The following MGAT5 variants were observed in gnomAD, a reference collection of about 807,000 sequenced individuals.
MGAT5 encodes the protein alpha-1,6-mannosylglycoprotein 6-beta-N-acetylglucosaminyltransferase.
MGAT5 carries 30 observed loss-of-function variants against 94.3 expected under a neutral mutation model. The observed-to-expected ratio is 0.32, with a 90% CI of 0.24 to 0.43. The LOEUF is 0.43. MGAT5 is among the 20% of genes least tolerant of loss of function. MGAT5 has a pLI of 1.00. For missense variants in MGAT5, 691 were observed against 905.5 expected, an observed-to-expected ratio of 0.76 and a Z score of 3.04; for synonymous variants, 310 against 322.9, an observed-to-expected ratio of 0.96 and a Z score of 0.43.
intron 1 of MGAT5, among the ~76,000 whole-genome samples, chr2:134,241,240 G>A (rs1298075880): frequency 2.0e-5 from 3 of 152,246 alleles, no homozygotes; most frequent in Non-Finnish European, 4.4e-5. Context: ...CCCGCTCTGG[G>A]AGAACTGTGA....
intron 1 of MGAT5, among the ~76,000 whole-genome samples, chr2:134,219,850 G>A (rs192222024): frequency 6.6e-5 from 10 of 152,308 alleles, no homozygotes; most frequent in African/African-American, 2.4e-4. Context: ...TCCCTTGAGC[G>A]AGAGAGTTAC....
chr2:134,243,685 T>C (rs1231048040), intron 1 of MGAT5, among the ~76,000 whole-genome samples: 4 of 152,132 alleles, frequency 2.6e-5, no homozygotes, highest in African/African-American at 4.8e-5. Context: ...TCACTTCAGA[T>C]TGTGCATGTG....
chr2:134,257,836 CT>C (rs10628858), intron 1 of MGAT5, among the ~76,000 whole-genome samples: 2,412 of 106,380 alleles, frequency 0.023, 28 homozygotes, highest in African/African-American at 0.035. Context: ...TTTGCAGTCT[CT>C]TTTTTTTTTT....
At chr2:134,181,929 A>G (rs1331960140) in intron 1 of MGAT5, among the ~76,000 whole-genome samples, 1 of 152,236 alleles carries the variant, frequency 6.6e-6, no homozygotes, top group Non-Finnish European at 1.5e-5. Context: ...GTAATAAAAA[A>G]TGATAGCACA....
chr2:134,169,751 A>C (rs2105107955), intron 1 of MGAT5, among the ~76,000 whole-genome samples: 1 of 152,264 alleles, frequency 6.6e-6, no homozygotes. Context: ...ATTTAAGATT[A>C]GTTGAAAAAA....
chr2:134,342,989 C>T (rs750181384), intron 7 of MGAT5, among the ~76,000 whole-genome samples: 1 of 152,090 alleles, frequency 6.6e-6, no homozygotes, highest in African/African-American at 2.4e-5. Flanking sequence ...AACTGAGTAT[C>T]GTTTGTCACT....
At chr2:134,390,072 G>T (rs1269758213) in intron 10 of MGAT5, among the ~76,000 whole-genome samples, 1 of 152,042 alleles carries the variant, frequency 6.6e-6, no homozygotes, top group African/African-American at 2.4e-5. Context: ...GATTGTTGGA[G>T]CCATGTCAAT....
At chr2:134,136,246 G>T (rs1283782508) in intron 1 of MGAT5, among the ~76,000 whole-genome samples, 1 of 152,094 alleles carries the variant, frequency 6.6e-6, no homozygotes, top group Non-Finnish European at 1.5e-5. Flanking sequence ...GATACAAGCT[G>T]CAGGTATTGC....
intron 2 of MGAT5, among the ~76,000 whole-genome samples, chr2:134,316,844 G>T (rs1687024720): frequency 1.3e-5 from 2 of 152,074 alleles, no homozygotes. Flanking sequence ...CTTCTCAAAG[G>T]CATTTGTTTT....
chr2:134,289,476 T>C (rs1182295056), intron 2 of MGAT5, among the ~76,000 whole-genome samples: 2 of 152,168 alleles, frequency 1.3e-5, no homozygotes, highest in African/African-American at 2.4e-5. Context: ...TGCATGTAGA[T>C]GTTGAGGGAC....
intron 1 of MGAT5, among the ~76,000 whole-genome samples, chr2:134,232,472 T>A (rs1208062192): frequency 6.6e-6 from 1 of 152,226 alleles, no homozygotes; most frequent in Non-Finnish European, 1.5e-5. Flanking sequence ...GGAAAGGGCT[T>A]CTACATCTTG....
chr2:134,122,937 A>C (rs1685684215), intron 1 of MGAT5, among the ~76,000 whole-genome samples: 1 of 152,198 alleles, frequency 6.6e-6, no homozygotes, highest in Admixed American at 6.5e-5. Context: ...TCTCCTCAGC[A>C]GTGTGCATTT....
Position 134,349,859 on chromosome 2 carries a change from A to G in MGAT5, c.1167A>G (p.Ala389=). 1 of 1,613,666 alleles carries G rather than the reference A, an allele frequency of 6.2e-7. No individual in the cohort carries two copies. Among genetic ancestry groups the G allele is most frequent in the Non-Finnish European group, 8.5e-7 (1 of 1,179,678 alleles). Residue 389 remains alanine (A), a synonymous_variant, in exon 9 of 16, where the codon GCA becomes GCG. Coordinates refer to ENST00000281923, the MANE Select transcript of MGAT5 (RefSeq NM_002410.5). The part of the protein sequence containing the change: ...SFGTEPEFNH[A]NYAQSKGHKT... ...GTACTGAACCCGAATTTAATCATGC[A>G]AATTATGCCCAATCGAAAGGCCACA...
intron 10 of MGAT5, among the ~76,000 whole-genome samples, chr2:134,370,008 G>A (rs1680686130): frequency 6.6e-6 from 1 of 152,122 alleles, no homozygotes. Flanking sequence ...CTGGGGAAAA[G>A]GGTGGTTAAA....
chr2:134,441,475 A>G (rs947484061), intron 14 of MGAT5, among the ~76,000 whole-genome samples: 6 of 152,144 alleles, frequency 3.9e-5, no homozygotes, highest in African/African-American at 1.4e-4. Context: ...GCGTGGTGCC[A>G]AGCTCATCAC....
chr2:134,212,576 TAACATAAC>T (rs982998548), intron 1 of MGAT5, among the ~76,000 whole-genome samples: 3 of 152,160 alleles, frequency 2.0e-5, no homozygotes, highest in Non-Finnish European at 4.4e-5. Context: ...GGCTTATTTT[TAACATAAC>T]AACATAAAAC....
intron 10 of MGAT5, among the ~76,000 whole-genome samples, chr2:134,367,382 G>A (rs1415197910): frequency 6.6e-6 from 1 of 152,190 alleles, no homozygotes; most frequent in Non-Finnish European, 1.5e-5. Context: ...TAAGTGGTTG[G>A]CGAACTCTAG....
intron 1 of MGAT5, among the ~76,000 whole-genome samples, chr2:134,161,308 TGGG>T (rs973602386): frequency 7.2e-5 from 11 of 152,284 alleles, no homozygotes; most frequent in African/African-American, 2.6e-4. Flanking sequence ...GGGCTAGCCT[TGGG>T]GGCTGGGTTG....
intron 4 of MGAT5, among the ~76,000 whole-genome samples, chr2:134,329,450 G>A (rs112322474): frequency 3.7e-4 from 56 of 152,178 alleles, no homozygotes; most frequent in African/African-American, 1.3e-3. Context: ...GCCACGCAGC[G>A]GGAGTATAAT....
Sources: allele counts gnomAD v4.1 joint callset (sites outside exome capture counted in the v4.1 genomes callset), GRCh38; gene constraint gnomAD v4.1.1; transcripts MANE v1.5; gene names NCBI Gene and HGNC (gene_info 2026-07-23, HGNC 2026-07-21).